RNF10: variants seen among roughly 807,000 people sequenced by gnomAD.
The protein encoded by RNF10 is E3 ubiquitin-protein ligase RNF10.
A neutral mutation model predicts 91.4 loss-of-function variants in RNF10; 38 were observed. The ratio of observed to expected loss-of-function variants is 0.42; its 90% CI spans 0.32 to 0.54. RNF10 has a LOEUF of 0.54. Ranked by LOEUF, RNF10 falls within the 20% of genes least tolerant of loss-of-function variation. The pLI is 0.16. For missense variants in RNF10, 945 were observed against 1,012.0 expected (o/e 0.93, Z 0.90); for synonymous variants, 364 against 366.3 (o/e 0.99, Z 0.07).
chr12:120,576,647 C>T lies in RNF10; in HGVS notation c.2417C>T (p.Ser806Leu). Reference protein sequence around the residue: ...KQKQKLLFSTSVVHTK With the variant: ...KQKQKLLFSTLVVHTK Reference sequence around the variant, plus strand: ...AAACAGAAGCTCCTGTTCAGCACCTCAGTCGTCCACACCAAGTGACACTAC... The same window carrying T: ...AAACAGAAGCTCCTGTTCAGCACCTTAGTCGTCCACACCAAGTGACACTAC... Residue 806 changes from serine to leucine, a missense_variant, in exon 17 of 17, where the codon TCA (serine) becomes TTA (leucine). Transcript: ENST00000325954. 2 of 1,614,006 alleles carry T rather than the reference C, an allele frequency of 1.2e-6. No homozygotes were observed. Among genetic ancestry groups the T allele is most frequent in the Non-Finnish European group, 1.7e-6 (2 of 1,179,954 alleles).
chr12:120,536,641 C>A (rs1023967403), intron 1 of RNF10, among the ~76,000 whole-genome samples: 1 of 152,106 alleles, frequency 6.6e-6, no homozygotes, highest in East Asian at 1.9e-4. Context: ...TGCCATAGAT[C>A]CCTCAAAAGA....
intron 2 of RNF10, among the ~76,000 whole-genome samples, chr12:120,549,368 G>T (rs1872723073): frequency 6.6e-6 from 1 of 152,166 alleles, no homozygotes; most frequent in Non-Finnish European, 1.5e-5. Context: ...CTGTGGTGAG[G>T]CTGGTTGCTG....
chr12:120,572,900 C>CTTT (rs35567785), intron 14 of RNF10, among the ~76,000 whole-genome samples: 4,207 of 100,440 alleles, frequency 0.042, 242 homozygotes, highest in South Asian at 0.15. Flanking sequence ...TGCGCCTGGC[C>CTTT]TTTTTTTTTT....
intron 14 of RNF10, among the ~76,000 whole-genome samples, chr12:120,574,292 C>G (rs1020673992): frequency 3.9e-5 from 6 of 152,234 alleles, no homozygotes; most frequent in Admixed American, 2.0e-4. Context: ...TGCTTGAACC[C>G]CATGGGGTTT....
rs1173152341 is a variant in RNF10 at position 120,552,467 on chromosome 12, C to A, written c.355-32C>A. On this transcript the variant is annotated intron_variant, in intron 2 of 16. Coordinates refer to ENST00000325954, the MANE Select transcript of RNF10 (RefSeq NM_014868.5). ...TGCTATAAATCAGTGTCATCCTAAT[C>A]TGAAATACTGATTCATTCTCATTCT... The A allele has an allele frequency of 1.9e-6, 3 of 1,578,566 alleles. No homozygotes were observed. In the South Asian group the frequency reaches 3.3e-5, roughly 18 times the overall value.
At chr12:120,539,964 T>C (rs575860109) in intron 1 of RNF10, among the ~76,000 whole-genome samples, 3 of 151,984 alleles carry the variant, frequency 2.0e-5, no homozygotes, top group Non-Finnish European at 2.9e-5. Context: ...GCCTCCTGAG[T>C]AGCTGGATTG....
chr12:120,565,211 T>C, intron 11 of RNF10, 22 bp downstream of exon 11: 2 of 1,495,186 alleles, frequency 1.3e-6, no homozygotes, highest in Non-Finnish European at 1.9e-6. Flanking sequence ...CCTGCTCTGC[T>C]TCTCTTTATA....
intron 3 of RNF10, 83 bp downstream of exon 3, chr12:120,552,781 G>T: frequency 8.6e-7 from 1 of 1,169,280 alleles, no homozygotes; most frequent in Non-Finnish European, 1.2e-6. Flanking sequence ...CTTTTTTTAA[G>T]CTATTGTGGG....
chr12:120,577,275 G>C lies in RNF10; in HGVS notation c.*609G>C, dbSNP rs1454484390. Reference sequence around the variant, plus strand: ...CTTGCATGTGTGAAAGGAGGGTTTTGCCTCTTCTTGAGCATGGCTTGAGTT... The same window carrying C: ...CTTGCATGTGTGAAAGGAGGGTTTTCCCTCTTCTTGAGCATGGCTTGAGTT... On this transcript the variant is annotated 3_prime_UTR_variant, in exon 17 of 17. Transcript: ENST00000325954. The C allele has an allele frequency of 4.7e-6, 2 of 425,246 alleles. No individual in the cohort carries two copies. Among genetic ancestry groups the C allele is most frequent in the Admixed American group, 5.8e-5 (2 of 34,680 alleles). The allele number at this position is 425,246 out of a possible 1,614,324, so 26.3% of individuals were successfully genotyped here.
At chr12:120,545,804 G>T (rs1229233469) in intron 1 of RNF10, among the ~76,000 whole-genome samples, 1 of 152,236 alleles carries the variant, frequency 6.6e-6, no homozygotes, top group African/African-American at 2.4e-5. Context: ...CTTCCAAAGT[G>T]CTGGGATTAC....
At position 120,571,320 on chromosome 12, in the gene RNF10, G is replaced by T. The variant is rs560169183; in HGVS notation, c.2142+29G>T. 236 of 1,507,520 alleles carry T rather than the reference G, an allele frequency of 1.6e-4. 2 individuals carry two copies. In the South Asian group the frequency reaches 2.5e-3, roughly 16 times the overall value. The allele number at this position is 1,507,520 out of a possible 1,614,324, so 93.4% of individuals were successfully genotyped here. A position where few individuals can be genotyped will look rare whatever the true frequency, so the allele number is the denominator to read the frequency against. Reference sequence around the variant, plus strand: ...AATCCTTTGCTTGTGAAGCAGCCCAGGGGTATTTAACATGAACTCTGCTGC... The same window carrying T: ...AATCCTTTGCTTGTGAAGCAGCCCATGGGTATTTAACATGAACTCTGCTGC... On this transcript the variant is annotated intron_variant, in intron 14 of 16. Coordinates refer to ENST00000325954, the MANE Select transcript of RNF10 (RefSeq NM_014868.5).
intron 1 of RNF10, among the ~76,000 whole-genome samples, chr12:120,541,498 G>A (rs1463495551): frequency 6.7e-6 from 1 of 148,514 alleles, no homozygotes; most frequent in African/African-American, 2.5e-5. Flanking sequence ...GCAGTGGCAC[G>A]ATCTCCGCTC....
chr12:120,541,085 G>A (rs113747194), intron 1 of RNF10, among the ~76,000 whole-genome samples: 4,729 of 152,220 alleles, frequency 0.031, 238 homozygotes, highest in African/African-American at 0.11. Context: ...TCGAACTCCC[G>A]ACCTCAGGTG....
chr12:120,542,055 A>G (rs572671984), intron 1 of RNF10, among the ~76,000 whole-genome samples: 71 of 151,170 alleles, frequency 4.7e-4, no homozygotes, highest in African/African-American at 1.5e-3. Flanking sequence ...TTTAGTAGAG[A>G]CAGGGTTTCA....
intron 2 of RNF10, among the ~76,000 whole-genome samples, chr12:120,552,046 T>G (rs1593071161): frequency 7.2e-6 from 1 of 139,700 alleles, no homozygotes; most frequent in African/African-American, 2.7e-5. Flanking sequence ...GTCGCGCCAC[T>G]GCACTCCAGC....
intron 6 of RNF10, among the ~76,000 whole-genome samples, chr12:120,559,019 A>G (rs1343802449): frequency 6.7e-6 from 1 of 149,358 alleles, no homozygotes; most frequent in East Asian, 2.0e-4. Context: ...TCATTAAAAT[A>G]ATTAAAATTA....
At chr12:120,575,739 G>A (rs371914150) in intron 15 of RNF10, 51 bp downstream of exon 15, 29 of 1,613,804 alleles carry the variant, frequency 1.8e-5, no homozygotes. Context: ...TCCATAAAAG[G>A]CTGTTTCTAG....
chr12:120,541,669 C>T lies in RNF10; in HGVS notation c.158-4736C>T, dbSNP rs1354671776. Among the ~76,000 whole-genome samples the T allele has an allele frequency of 4.0e-5, 6 of 151,230 alleles. No individual in the cohort carries two copies. In the South Asian group the frequency reaches 6.3e-4, roughly 16 times the overall value. ...CAGGATGGTCTCTATCTCCTGACTT[C>T]GTGATCCACCTGCCTTGGCCTCCCA... On this transcript the variant is annotated intron_variant, in intron 1 of 16. Coordinates refer to ENST00000325954, the MANE Select transcript of RNF10 (RefSeq NM_014868.5).
rs755887226 is a variant in RNF10, at chr12:120,563,863, C to T, written c.1585C>T (p.Arg529Trp). The change falls in exon 10 of 17, where the codon CGG (arginine) becomes TGG (tryptophan). Residue 529 changes from arginine to tryptophan, a missense_variant. Coordinates refer to ENST00000325954, the MANE Select transcript of RNF10 (RefSeq NM_014868.5). ...CCCTGTGAATGTGCGCTGCCTCGTGCGGGAGTACGGCAGCCTGGAGAGGAG... is the reference window on the plus strand; with the variant it reads ...CCCTGTGAATGTGCGCTGCCTCGTGTGGGAGTACGGCAGCCTGGAGAGGAG... Reference protein sequence around the residue: ...LHPVNVRCLVREYGSLERSPE... With the variant: ...LHPVNVRCLVWEYGSLERSPE... 24 of 1,613,982 alleles carry T rather than the reference C, an allele frequency of 1.5e-5. No individual in the cohort carries two copies. Among genetic ancestry groups the T allele is most frequent in the East Asian group, 4.5e-5 (2 of 44,896 alleles).
Sources: allele counts gnomAD v4.1 joint callset (sites outside exome capture counted in the v4.1 genomes callset), GRCh38; gene constraint gnomAD v4.1.1; transcripts MANE v1.5; gene names NCBI Gene and HGNC (gene_info 2026-07-23, HGNC 2026-07-21).